Variants in FRMPD4 observed in about 807,000 individuals in gnomAD.
FRMPD4 encodes the protein FERM and PDZ domain-containing protein 4.
In FRMPD4, 22 loss-of-function variants were observed where a neutral mutation model predicts 94.1. The observed-to-expected ratio is 0.23, with a 90% confidence interval of 0.17 to 0.33. FRMPD4 has a LOEUF of 0.33. FRMPD4 is among the 10% of genes least tolerant of loss of function. The probability of loss-of-function intolerance (pLI) is 1.00; values close to 1 mark genes in which losing one functional copy is unlikely to be tolerated. For missense variants in FRMPD4, 1,111 were observed against 1,339.9 expected (o/e 0.83, Z 2.67); for synonymous variants, 631 against 548.6 (o/e 1.15, Z -2.10).
At chrX:12,058,867 G>T (rs942326246) in intron 3 of FRMPD4, among the ~76,000 whole-genome samples, 1 of 110,498 alleles carries the variant, frequency 9.0e-6, no homozygotes, top group Non-Finnish European at 1.9e-5. Flanking sequence ...AGAGGCCAGG[G>T]ATGCTGCTAA....
At chrX:11,998,186 G>A (rs1334854620) in intron 3 of FRMPD4, among the ~76,000 whole-genome samples, 2 of 111,602 alleles carry the variant, frequency 1.8e-5, no homozygotes, top group Admixed American at 9.5e-5. Context: ...CTGCAAGGCC[G>A]CAATCAATGT....
chrX:11,985,676 G>A (rs916640455), intron 3 of FRMPD4, among the ~76,000 whole-genome samples: 1 of 111,887 alleles, frequency 8.9e-6, no homozygotes, highest in Non-Finnish European at 1.9e-5. Flanking sequence ...CCTGAAGGGT[G>A]AGCCCTAGGC....
chrX:11,979,862 A>T (rs779612229), intron 3 of FRMPD4, among the ~76,000 whole-genome samples: 8 of 111,315 alleles, frequency 7.2e-5, no homozygotes, highest in Non-Finnish European at 1.5e-4. Context: ...GAAGTTCTTT[A>T]TTTTACTATA....
At chrX:11,964,536 A>G (rs2054300650) in intron 3 of FRMPD4, among the ~76,000 whole-genome samples, 1 of 111,640 alleles carries the variant, frequency 9.0e-6, no homozygotes, top group South Asian at 3.8e-4. Flanking sequence ...GATCAAATAT[A>G]GTAGGACTTC....
intron 1 of FRMPD4, among the ~76,000 whole-genome samples, chrX:11,855,315 G>T (rs753355495): frequency 8.9e-6 from 1 of 111,784 alleles, no homozygotes; most frequent in South Asian, 3.8e-4. Flanking sequence ...TGCCACAAAG[G>T]TCTCTGACAT....
chrX:11,840,050 T>C (rs2053525312), intron 1 of FRMPD4, among the ~76,000 whole-genome samples: 1 of 111,711 alleles, frequency 9.0e-6, no homozygotes. Context: ...TTCAAAAATA[T>C]TTTAACGCTG....
At chrX:11,946,396 G>A (rs2054189241) in intron 3 of FRMPD4, among the ~76,000 whole-genome samples, 1 of 111,363 alleles carries the variant, frequency 9.0e-6, no homozygotes, top group South Asian at 3.8e-4. Flanking sequence ...TTAAAGTTAG[G>A]TATGATCGTG....
intron 3 of FRMPD4, among the ~76,000 whole-genome samples, chrX:11,896,089 T>C (rs775341490): frequency 7.1e-5 from 8 of 112,650 alleles, no homozygotes; most frequent in African/African-American, 2.6e-4. Flanking sequence ...TTCTGAATGA[T>C]TTCCCCTGTG....
intron 3 of FRMPD4, among the ~76,000 whole-genome samples, chrX:11,890,890 T>A (rs2053870013): frequency 1.8e-5 from 2 of 111,871 alleles, no homozygotes; most frequent in African/African-American, 6.5e-5. Context: ...TCCTGAAGCC[T>A]TCCCACTCCC....
At chrX:12,467,478 A>C (rs1467070738) in intron 1 of FRMPD4, among the ~76,000 whole-genome samples, 2 of 112,186 alleles carry the variant, frequency 1.8e-5, no homozygotes, top group African/African-American at 6.5e-5. Context: ...TTAACTGCCT[A>C]TCCCTGTTGG....
intron 3 of FRMPD4, among the ~76,000 whole-genome samples, chrX:11,928,305 G>A (rs1356648465): frequency 8.9e-6 from 1 of 111,966 alleles, no homozygotes; most frequent in Non-Finnish European, 1.9e-5. Flanking sequence ...TGGCTGGGGA[G>A]GCCTCAGGAA....
intron 3 of FRMPD4, among the ~76,000 whole-genome samples, chrX:12,075,173 T>G (rs112953729): frequency 8.9e-6 from 1 of 112,402 alleles, no homozygotes; most frequent in African/African-American, 3.2e-5. Flanking sequence ...CTCTATATAT[T>G]ATAATGGTGG....
At chrX:11,871,540 G>A (rs960220100) in intron 2 of FRMPD4, among the ~76,000 whole-genome samples, 1 of 112,392 alleles carries the variant, frequency 8.9e-6, no homozygotes, top group African/African-American at 3.2e-5. Flanking sequence ...CCAAATATTC[G>A]ATGAGATGTA....
intron 3 of FRMPD4, among the ~76,000 whole-genome samples, chrX:12,094,106 T>C (rs1266738064): frequency 8.9e-6 from 1 of 112,117 alleles, no homozygotes; most frequent in African/African-American, 3.2e-5. Flanking sequence ...CTCTAGGTGA[T>C]AGCAATAGTT....
At position 12,474,162 on chromosome X, in the gene FRMPD4, A is replaced by G. The variant is rs185783504; in HGVS notation, c.42-24518A>G. Among the ~76,000 whole-genome samples the G allele has an allele frequency of 2.8e-3, 303 of 109,343 alleles. 18 individuals carry two copies. Among genetic ancestry groups the G allele is most frequent in the African/African-American group, 9.9e-3 (281 of 28,334 alleles). The allele number at this position is 109,343 out of a possible 115,157, so 95.0% of individuals were successfully genotyped here. ...ACTAGAACTCAGGATTAAGAAACTC[A>G]CTCAAAACCAACTACATGGAAACTG... On this transcript the variant is annotated intron_variant, in intron 1 of 16. Transcript: ENST00000675598.
At chrX:11,961,077 T>C (rs192430302) in intron 3 of FRMPD4, among the ~76,000 whole-genome samples, 1 of 112,030 alleles carries the variant, frequency 8.9e-6, no homozygotes, top group Non-Finnish European at 1.9e-5. Context: ...CTAACTGTTC[T>C]TTGATCGTAC....
Position 12,521,815 on chromosome X carries a change from T to G in FRMPD4, c.158+23019T>G, listed in dbSNP as rs2058164122. ...ACCCTGGAGAGAGAGAGATAGGAGGTAGAGCTGAACAATAAAGAGAAAAGG... is the reference window on the plus strand; with the variant it reads ...ACCCTGGAGAGAGAGAGATAGGAGGGAGAGCTGAACAATAAAGAGAAAAGG... On this transcript the variant is annotated intron_variant, in intron 2 of 16. Coordinates refer to ENST00000675598, the MANE Select transcript of FRMPD4 (RefSeq NM_001368397.1). Among the ~76,000 whole-genome samples, 5 of 109,779 alleles carry G rather than the reference T, an allele frequency of 4.6e-5. No homozygotes were observed. In the Admixed American group the frequency reaches 4.9e-4, roughly 11 times the overall value.
intron 2 of FRMPD4, among the ~76,000 whole-genome samples, chrX:12,505,752 G>T (rs112994907): frequency 3.8e-4 from 34 of 89,180 alleles, no homozygotes; most frequent in East Asian, 1.8e-3. Context: ...AAAAAAAAGG[G>T]GGGGAGAGCA....
In FRMPD4 at chrX:12,231,030, G is replaced by GTATA. The variant is rs56948982; in HGVS notation, c.41+92033_41+92036dup. Among the ~76,000 whole-genome samples, 132 of 26,385 alleles carry GTATA rather than the reference G, an allele frequency of 5.0e-3. 4 individuals are homozygous for GTATA. The highest frequency in any genetic ancestry group is 0.019 in the Middle Eastern group (1 of 54). The allele number at this position is 26,385 out of a possible 115,157, so 22.9% of individuals were successfully genotyped here. On this transcript the variant is annotated intron_variant, in intron 1 of 16. Coordinates refer to ENST00000675598, the MANE Select transcript of FRMPD4 (RefSeq NM_001368397.1). ...ATATAGTATATATAGTATATATATA[G>GTATA]TATATATATATATATATAAAATATA... is the stretch of plus-strand genomic sequence containing the variant.
Sources: gnomAD v4.1 joint callset for allele counts (sites outside exome capture counted in the v4.1 genomes callset) on GRCh38, gnomAD v4.1.1 for gene constraint, MANE v1.5 for transcripts, NCBI Gene and HGNC (gene_info 2026-07-23, HGNC 2026-07-21) for gene names.